UNC13C: variants seen among roughly 807,000 people sequenced by gnomAD.
The protein encoded by UNC13C is unc-13 homolog C.
UNC13C carries 174 observed loss-of-function variants against 245.4 expected under a neutral mutation model. The ratio of observed to expected loss-of-function variants is 0.71; its 90% CI spans 0.63 to 0.80. The LOEUF (loss-of-function observed/expected upper bound fraction) is 0.80. Among genes scored for constraint, UNC13C ranks in the 30% least tolerant of loss-of-function variants. UNC13C has a pLI of 0.00. For missense variants in UNC13C, 2,829 were observed against 2,602.9 expected (o/e 1.09, Z -1.89); for synonymous variants, 992 against 895.1 (o/e 1.11, Z -1.93).
At chr15:54,604,772 G>A (rs1167285282) in intron 30 of UNC13C, among the ~76,000 whole-genome samples, 5 of 152,288 alleles carry the variant, frequency 3.3e-5, no homozygotes, top group East Asian at 3.9e-4. Flanking sequence ...TTGTTCAGAT[G>A]TTGTTACTCT....
At chr15:54,325,823 AAG>A (rs1382226552) in intron 14 of UNC13C, among the ~76,000 whole-genome samples, 4 of 152,226 alleles carry the variant, frequency 2.6e-5, no homozygotes, top group African/African-American at 7.2e-5. Context: ...AGAAGATAAA[AAG>A]AGAGATTGGG....
intron 19 of UNC13C, among the ~76,000 whole-genome samples, chr15:54,455,206 TATATA>T (rs1567289096): frequency 0.033 from 802 of 24,012 alleles, 66 homozygotes; most frequent in African/African-American, 0.1. Flanking sequence ...TCTCTCTCTC[TATATA>T]TATATATATA....
intron 2 of UNC13C, among the ~76,000 whole-genome samples, chr15:54,085,269 G>C (rs1899171945): frequency 6.6e-6 from 1 of 152,102 alleles, no homozygotes; most frequent in Non-Finnish European, 1.5e-5. Context: ...CTTTCTCCTG[G>C]TACATTTACC....
rs766403992 is a variant in UNC13C, at chr15:54,300,332, T to C, written c.4227T>C (p.Phe1409=). ...DDASQEIVDE[F]AMRYGIESIY... is the part of the protein sequence containing the mutation. ...CTTCCCAAGAAATAGTTGATGAATT[T>C]GCTATGCGTTATGGAATTGAATCCA... The change falls in exon 13 of 33, where the codon TTT becomes TTC. Residue 1409 remains phenylalanine (F), a synonymous_variant. Coordinates refer to ENST00000260323, the MANE Select transcript of UNC13C (RefSeq NM_001080534.3). 20 of 1,583,130 alleles carry C rather than the reference T, an allele frequency of 1.3e-5. No homozygotes were observed. In the African/African-American group the frequency reaches 2.3e-4, roughly 18 times the overall value.
chr15:54,617,892 CATAA>C (rs1313029311), intron 30 of UNC13C, among the ~76,000 whole-genome samples: 1 of 152,020 alleles, frequency 6.6e-6, no homozygotes, highest in Non-Finnish European at 1.5e-5. Flanking sequence ...GGTTGACCTT[CATAA>C]ATAATCTACC....
At position 54,393,161 on chromosome 15, in the gene UNC13C, C is replaced by G. The variant is rs1171148770; in HGVS notation, c.4827C>G (p.Ala1609=). ...CTATTATTGATGAGGATAAAACTGCCTACACACCTGTCCTGAATCAGTAAG... is the reference window on the plus strand; with the variant it reads ...CTATTATTGATGAGGATAAAACTGCGTACACACCTGTCCTGAATCAGTAAG... The part of the protein sequence containing the change: ...MVTIIDEDKT[A]YTPVLNQFPQ... The change falls in exon 18 of 33, where the codon GCC becomes GCG. Residue 1609 remains alanine (A), a synonymous_variant. Transcript: ENST00000260323. 5 of 1,598,572 alleles carry G rather than the reference C, an allele frequency of 3.1e-6. No homozygotes were observed. Among genetic ancestry groups the G allele is most frequent in the Non-Finnish European group, 4.3e-6 (5 of 1,174,486 alleles).
intron 2 of UNC13C, among the ~76,000 whole-genome samples, chr15:54,114,188 A>C (rs992011497): frequency 1.3e-5 from 2 of 152,188 alleles, no homozygotes; most frequent in Non-Finnish European, 2.9e-5. Flanking sequence ...TATTTTCTGC[A>C]GTCTTAAGGA....
chr15:53,967,739 T>G, the UNC13C span, among the ~76,000 whole-genome samples: 1 of 152,194 alleles, frequency 6.6e-6, no homozygotes, highest in Non-Finnish European at 1.5e-5. Context: ...TGAGCTCTTT[T>G]GCTTTAGTGA....
chr15:54,425,708 T>G (rs945105102), intron 19 of UNC13C, among the ~76,000 whole-genome samples: 1 of 151,900 alleles, frequency 6.6e-6, no homozygotes, highest in African/African-American at 2.4e-5. Context: ...GAAGAATGAC[T>G]ACTAGCCAGC....
Position 53,991,377 on chromosome 15 carries a change from G to A in UNC13C, c.-257+12450G>A, listed in dbSNP as rs953068483. On this transcript the variant is annotated intron_variant, in intron 1 of 32. Transcript: ENST00000260323. The stretch of plus-strand genomic sequence containing the variant: ...AGGTAAACATATCAAAAATCATGTC[G>A]ATTCTAATTAAAATAAAACATTGTT... 2.6e-5 allele frequency among the ~76,000 whole-genome samples: 4 copies of A among 151,922 alleles called. No homozygotes were observed. The South Asian group carries it at 8.3e-4, about 31-fold the overall frequency.
intron 20 of UNC13C, among the ~76,000 whole-genome samples, chr15:54,497,901 C>T (rs1444331343): frequency 6.6e-6 from 1 of 151,972 alleles, no homozygotes; most frequent in East Asian, 1.9e-4. Context: ...ATAGACCAAC[C>T]TAAAACCCAA....
chr15:54,629,352 CAAAAT>C (rs1338288337), downstream of UNC13C: 5 of 151,932 alleles, frequency 3.3e-5, no homozygotes, highest in Admixed American at 1.3e-4. Flanking sequence ...ACCTGGGTGA[CAAAAT>C]AATCTACACC....
At chr15:54,321,792 T>C (rs1385303192) in intron 13 of UNC13C, 147 bp from the exon 14 acceptor site, 1 of 843,838 alleles carries the variant, frequency 1.2e-6, no homozygotes, top group Non-Finnish European at 1.7e-6. Context: ...AAGGCCAAAA[T>C]TGTTTTTCTT....
At chr15:54,483,279 C>T (rs1015056959) in intron 19 of UNC13C, among the ~76,000 whole-genome samples, 3 of 152,122 alleles carry the variant, frequency 2.0e-5, no homozygotes, top group African/African-American at 7.2e-5. Flanking sequence ...TCAACATAGG[C>T]CAGCCAGGTC....
intron 1 of UNC13C, among the ~76,000 whole-genome samples, chr15:53,997,070 T>C (rs968610662): frequency 6.6e-6 from 1 of 152,150 alleles, no homozygotes; most frequent in African/African-American, 2.4e-5. Context: ...CCTTCCATCA[T>C]TTGGTGTAAC....
intron 19 of UNC13C, among the ~76,000 whole-genome samples, chr15:54,458,854 C>A (rs117296566): frequency 0.03 from 4,481 of 151,650 alleles, 107 homozygotes; most frequent in Non-Finnish European, 0.045. Context: ...ATCCATTCTG[C>A]CATTCTGTAT....
At chr15:54,155,898 A>C (rs888023673) in intron 4 of UNC13C, among the ~76,000 whole-genome samples, 2 of 152,228 alleles carry the variant, frequency 1.3e-5, no homozygotes, top group Admixed American at 6.5e-5. Flanking sequence ...CATAGGCAAG[A>C]AAGTGGACAG....
intron 2 of UNC13C, among the ~76,000 whole-genome samples, chr15:54,124,731 C>T (rs1369416301): frequency 6.6e-6 from 1 of 152,122 alleles, no homozygotes; most frequent in Non-Finnish European, 1.5e-5. Flanking sequence ...CCTAAGTTAA[C>T]TAAGAGTTTT....
chr15:54,225,084 C>CAATGA (rs1555433709), intron 4 of UNC13C, among the ~76,000 whole-genome samples: 11 of 145,892 alleles, frequency 7.5e-5, no homozygotes, highest in African/African-American at 2.7e-4. Context: ...TTTATCTTTT[C>CAATGA]AATAGCTTTT....
Sources: allele counts gnomAD v4.1 joint callset (sites outside exome capture counted in the v4.1 genomes callset), GRCh38; gene constraint gnomAD v4.1.1; transcripts MANE v1.5; gene names NCBI Gene and HGNC (gene_info 2026-07-23, HGNC 2026-07-21).